The following SOS1 variants were observed in gnomAD, a reference collection of about 807,000 sequenced individuals.
SOS1 encodes the protein SOS Ras/Rac guanine nucleotide exchange factor 1.
A neutral mutation model predicts 157.6 loss-of-function variants in SOS1; 25 were observed. The ratio of observed to expected loss-of-function variants is 0.16; its 90% CI spans 0.12 to 0.22. The LOEUF is 0.22. Among genes scored for constraint, SOS1 ranks in the 10% least tolerant of loss-of-function variants. SOS1 has a pLI of 1.00. For synonymous variants in SOS1, 528 were observed against 534.0 expected, an observed-to-expected ratio of 0.99 and a Z score of 0.16; for missense variants, 1,237 against 1,599.1, an observed-to-expected ratio of 0.77 and a Z score of 3.86.
chr2:39,115,159 T>C (rs1277774004), intron 1 of SOS1, among the ~76,000 whole-genome samples: 1 of 152,070 alleles, frequency 6.6e-6, no homozygotes, highest in Non-Finnish European at 1.5e-5. Flanking sequence ...CTGCACATAT[T>C]TAAAATATAC....
intron 1 of SOS1, 109 bp downstream of exon 1, chr2:39,120,227 C>A: frequency 1.0e-6 from 1 of 997,924 alleles, no homozygotes; most frequent in Non-Finnish European, 1.4e-6. Context: ...GGAGACGCGG[C>A]GAGACCGGGA....
At chr2:39,107,359 C>G (rs1249020661) in intron 1 of SOS1, among the ~76,000 whole-genome samples, 1 of 152,108 alleles carries the variant, frequency 6.6e-6, no homozygotes, top group African/African-American at 2.4e-5. Flanking sequence ...TCCCGGGAGA[C>G]ACATCATTTT....
rs1035046556 is a variant in SOS1, at chr2:38,982,994, C to T, written c.*2830G>A. The stretch of plus-strand genomic sequence containing the variant: ...TCCTTGAGTTGTTAGAGAATAGTAA[C>T]CTACTAAACATAATTTGATGCCCAA... On this transcript the variant is annotated 3_prime_UTR_variant, in exon 23 of 23. Coordinates refer to ENST00000402219, the MANE Select transcript of SOS1 (RefSeq NM_005633.4). 4 of 152,068 alleles carry T rather than the reference C, an allele frequency of 2.6e-5. No homozygotes were observed. The highest frequency in any genetic ancestry group is 1.3e-4 in the Admixed American group (2 of 15,242). The allele number at this position is 152,068 out of a possible 1,614,324, so 9.4% of individuals were successfully genotyped here. A position where few individuals can be genotyped will look rare whatever the true frequency, so the allele number is the denominator to read the frequency against.
In SOS1 at chr2:38,995,168, C is replaced by T. The variant is rs1386657291; in HGVS notation, c.3301G>A (p.Val1101Ile). Reference sequence around the variant, plus strand: ...TGATCGGAATCAAATACACTGCAAACATCTGTGGTACTGGAAGCACCAGAA... The same window carrying T: ...TGATCGGAATCAAATACACTGCAAATATCTGTGGTACTGGAAGCACCAGAA... ...PASGASSTTDVCSVFDSDHSS... is the reference protein window; with the variant it reads ...PASGASSTTDICSVFDSDHSS... The change falls in exon 20 of 23, where the codon GTT becomes ATT. Residue 1101 changes from valine (V) to isoleucine (I), a missense_variant. Val to Ile is a conservative substitution (Grantham distance 29). Transcript: ENST00000402219. The T allele has an allele frequency of 6.2e-7, 1 of 1,614,018 alleles. No individual in the cohort carries two copies. The highest frequency in any genetic ancestry group is 1.7e-5 in the Admixed American group (1 of 60,010).
At chr2:39,105,189 A>G (rs1673121072) in intron 1 of SOS1, among the ~76,000 whole-genome samples, 1 of 152,244 alleles carries the variant, frequency 6.6e-6, no homozygotes, top group Non-Finnish European at 1.5e-5. Flanking sequence ...AAAAAAGAAC[A>G]ACTGAAATTT....
At chr2:38,989,363 T>G (rs1243385499) in intron 20 of SOS1, 49 bp from the exon 21 acceptor site, 4 of 1,241,506 alleles carry the variant, frequency 3.2e-6, no homozygotes, top group Non-Finnish European at 4.7e-6. Context: ...CATTGATATA[T>G]TCAACTCATC....
At chr2:39,042,397 G>T (rs999930813) in intron 6 of SOS1, among the ~76,000 whole-genome samples, 2 of 151,784 alleles carry the variant, frequency 1.3e-5, no homozygotes, top group Non-Finnish European at 2.9e-5. Context: ...CTAATTTTAT[G>T]TATTTATTTA....
intron 1 of SOS1, among the ~76,000 whole-genome samples, chr2:39,117,521 G>T (rs1249259258): frequency 1.3e-5 from 2 of 152,156 alleles, no homozygotes; most frequent in African/African-American, 4.8e-5. Context: ...AAAGGTTATG[G>T]TAGACAATCC....
intron 1 of SOS1, among the ~76,000 whole-genome samples, chr2:39,102,875 A>T (rs188908054): frequency 5.9e-5 from 9 of 152,258 alleles, no homozygotes; most frequent in Admixed American, 3.9e-4. Context: ...AGATTGCTGG[A>T]GCCCAGGAAG....
At chr2:38,989,697 A>G (rs1459486719) in intron 20 of SOS1, among the ~76,000 whole-genome samples, 1 of 152,102 alleles carries the variant, frequency 6.6e-6, no homozygotes, top group Non-Finnish European at 1.5e-5. Flanking sequence ...TAATAAGTTT[A>G]TTTTATGTAA....
At chr2:39,098,403 G>A (rs528668630) in intron 1 of SOS1, 3 of 202,696 alleles carry the variant, frequency 1.5e-5, no homozygotes, top group East Asian at 3.1e-4. Context: ...ATCAATACAC[G>A]GTCATACAGT....
At chr2:39,097,852 A>G (rs1458157528) in intron 1 of SOS1, among the ~76,000 whole-genome samples, 1 of 152,246 alleles carries the variant, frequency 6.6e-6, no homozygotes, top group Non-Finnish European at 1.5e-5. Context: ...GGTGTGAGCC[A>G]CTTTGCCCAG....
chr2:39,079,487 ATTTTTTTTTTTTT>A (rs1201929648), intron 1 of SOS1, among the ~76,000 whole-genome samples: 1 of 82,714 alleles, frequency 1.2e-5, no homozygotes, highest in South Asian at 5.1e-4. Context: ...AAGTGTTCGA[ATTTTTTTTTTTTT>A]TTTTTTTTTT....
intron 6 of SOS1, among the ~76,000 whole-genome samples, chr2:39,035,927 G>A (rs975839921): frequency 6.6e-6 from 1 of 152,032 alleles, no homozygotes; most frequent in African/African-American, 2.4e-5. Context: ...ATGTACTTTC[G>A]TATTCTATAA....
In SOS1 at chr2:39,013,964, T is replaced by C. The variant is rs1198308466; in HGVS notation, c.1966A>G (p.Thr656Ala). The C allele has an allele frequency of 6.2e-7, 1 of 1,606,266 alleles. No homozygotes were observed. Among genetic ancestry groups the C allele is most frequent in the Non-Finnish European group, 8.5e-7 (1 of 1,173,826 alleles). The stretch of plus-strand genomic sequence containing the variant: ...TCTATAGCTATGCGATCAGCTTCTG[T>C]TGGCTCAGGCTCTGGAATTTCAAAC... ...ERFEIPEPEPTEADRIAIENG... is the reference protein window; with the variant it reads ...ERFEIPEPEPAEADRIAIENG... Residue 656 changes from threonine (T) to alanine (A), a missense_variant, in exon 12 of 23, where the codon ACA becomes GCA. Thr to Ala is a moderately conservative substitution (Grantham distance 58). This residue lies in a region of SOS1 where 55 missense variants were observed against 43.1 expected (regional missense o/e 1.27). Transcript: ENST00000402219.
intron 8 of SOS1, 71 bp downstream of exon 8, chr2:39,035,141 T>G (rs1340283268): frequency 1.0e-6 from 1 of 970,464 alleles, no homozygotes; most frequent in Non-Finnish European, 1.6e-6. Flanking sequence ...CACAATAATT[T>G]ACAAATGAAG....
upstream of SOS1, among the ~76,000 whole-genome samples, chr2:39,123,253 T>C (rs941539194): frequency 6.6e-6 from 1 of 152,242 alleles, no homozygotes; most frequent in African/African-American, 2.4e-5. Flanking sequence ...GTTCTTTTTA[T>C]TTCCTGCTAG....
intron 1 of SOS1, among the ~76,000 whole-genome samples, chr2:39,114,238 G>A (rs958313910): frequency 4.0e-5 from 6 of 151,884 alleles, no homozygotes; most frequent in Admixed American, 3.3e-4. Flanking sequence ...CAGGACCACA[G>A]GTGCGTGCCA....
At chr2:39,073,536 A>C (rs77076029) in intron 1 of SOS1, among the ~76,000 whole-genome samples, 1 of 152,236 alleles carries the variant, frequency 6.6e-6, no homozygotes, top group Admixed American at 6.5e-5. Flanking sequence ...TATTCAATTA[A>C]AGATGAAAAC....
Sources: allele counts gnomAD v4.1 joint callset (sites outside exome capture counted in the v4.1 genomes callset), GRCh38; gene constraint gnomAD v4.1.1; regional missense constraint gnomAD v4.1.1; transcripts MANE v1.5; gene names NCBI Gene and HGNC (gene_info 2026-07-23, HGNC 2026-07-21).